The following MPPED1 variants were observed in gnomAD, a reference collection of about 807,000 sequenced individuals.
The protein encoded by MPPED1 is metallophosphoesterase domain containing 1.
In MPPED1, 16 loss-of-function variants were observed where a neutral mutation model predicts 36.2. The ratio of observed to expected loss-of-function variants is 0.44; its 90% CI spans 0.30 to 0.67. The LOEUF (loss-of-function observed/expected upper bound fraction) is 0.67, where lower values mean the gene tolerates loss of function less well. Ranked by LOEUF, MPPED1 falls within the 30% of genes least tolerant of loss-of-function variation. MPPED1 has a pLI of 0.10. For missense variants in MPPED1, 307 were observed against 453.4 expected, an observed-to-expected ratio of 0.68 and a Z score of 2.93; for synonymous variants, 199 against 191.3, an observed-to-expected ratio of 1.04 and a Z score of -0.33.
At chr22:43,462,248 C>T (rs1930980536) in intron 3 of MPPED1, among the ~76,000 whole-genome samples, 1 of 152,132 alleles carries the variant, frequency 6.6e-6, no homozygotes, top group Non-Finnish European at 1.5e-5. Flanking sequence ...TTTGAAGATG[C>T]TTCTTTTTAT....
chr22:43,479,359 C>T (rs1373046719), intron 4 of MPPED1, among the ~76,000 whole-genome samples: 4 of 152,232 alleles, frequency 2.6e-5, no homozygotes, highest in Non-Finnish European at 5.9e-5. Flanking sequence ...AATGAGTGAC[C>T]TAATAGCTGC....
intron 1 of MPPED1, among the ~76,000 whole-genome samples, chr22:43,420,311 G>A (rs1209082195): frequency 6.6e-6 from 1 of 152,180 alleles, no homozygotes; most frequent in African/African-American, 2.4e-5. Context: ...GGCCGCCCAG[G>A]CCTCAGGGAC....
At position 43,447,690 on chromosome 22, in the gene MPPED1, C is replaced by G. The variant is rs910092726; in HGVS notation, c.406+12475C>G. ...GACTGGCCTATCTCACACTTCAGTG[C>G]TCAAGTGCAGATTACATAGGTCTCG... On this transcript the variant is annotated intron_variant, in intron 3 of 6. Coordinates refer to ENST00000443721, the MANE Select transcript of MPPED1 (RefSeq NM_001044370.2). 5.3e-5 allele frequency among the ~76,000 whole-genome samples: 8 copies of G among 151,426 alleles called. No homozygotes were observed. In the South Asian group the frequency reaches 8.4e-4, roughly 16 times the overall value.
At chr22:43,434,203 G>A (rs1206007500) in intron 2 of MPPED1, among the ~76,000 whole-genome samples, 1 of 152,234 alleles carries the variant, frequency 6.6e-6, no homozygotes, top group Non-Finnish European at 1.5e-5. Flanking sequence ...AAGTAGCTTC[G>A]TTTTACAGAT....
At chr22:43,438,892 C>T (rs1278228119) in intron 3 of MPPED1, among the ~76,000 whole-genome samples, 2 of 152,148 alleles carry the variant, frequency 1.3e-5, no homozygotes, top group African/African-American at 2.4e-5. Context: ...TTGCCCACCT[C>T]GCCCACCCAC....
At chr22:43,496,662 A>T (rs1224152971) in intron 4 of MPPED1, among the ~76,000 whole-genome samples, 1 of 7,782 alleles carries the variant, frequency 1.3e-4, no homozygotes, top group Non-Finnish European at 1.9e-4. Context: ...GTGGTGGTGG[A>T]GGTAGTGGTG....
chr22:43,486,336 A>C (rs544238348), intron 4 of MPPED1, among the ~76,000 whole-genome samples: 1 of 151,108 alleles, frequency 6.6e-6, no homozygotes, highest in Admixed American at 6.6e-5. Context: ...GGCTGTGGCC[A>C]TGGCTGGCTC....
At chr22:43,492,525 G>C (rs1932135652) in intron 4 of MPPED1, among the ~76,000 whole-genome samples, 2 of 152,132 alleles carry the variant, frequency 1.3e-5, no homozygotes, top group African/African-American at 4.8e-5. Context: ...CTGCCTGTGG[G>C]TGGGGGTCCC....
chr22:43,462,575 CATT>C (rs1930992026), intron 3 of MPPED1, among the ~76,000 whole-genome samples: 1 of 152,168 alleles, frequency 6.6e-6, no homozygotes, highest in Non-Finnish European at 1.5e-5. Flanking sequence ...CATTATGTGA[CATT>C]ATTTTTTAAA....
chr22:43,499,064 G>T (rs929579807), intron 5 of MPPED1, among the ~76,000 whole-genome samples: 1 of 151,976 alleles, frequency 6.6e-6, no homozygotes, highest in Non-Finnish European at 1.5e-5. Context: ...GGAGGTAGTG[G>T]TGATGGAGGT....
chr22:43,416,353 A>C (rs1456651368), intron 1 of MPPED1: 1 of 152,266 alleles, frequency 6.6e-6, no homozygotes, highest in Non-Finnish European at 1.5e-5. Flanking sequence ...CCAATATCAG[A>C]CTTAAGTGTA....
intron 2 of MPPED1, among the ~76,000 whole-genome samples, chr22:43,428,054 G>A (rs957357449): frequency 1.3e-5 from 2 of 152,216 alleles, no homozygotes; most frequent in South Asian, 2.1e-4. Flanking sequence ...CTGGTGAGGT[G>A]CTTGGGACCC....
chr22:43,460,939 C>A (rs1601978006), intron 3 of MPPED1, among the ~76,000 whole-genome samples: 1 of 152,292 alleles, frequency 6.6e-6, no homozygotes, highest in Admixed American at 6.5e-5. Flanking sequence ...CTTGGTTGGC[C>A]TCTTGTTTGC....
At chr22:43,504,615 G>T (rs565039529) in intron 6 of MPPED1, among the ~76,000 whole-genome samples, 2 of 151,728 alleles carry the variant, frequency 1.3e-5, no homozygotes, top group Admixed American at 1.3e-4. Flanking sequence ...TGTTGGTGAC[G>T]TTGATGGCAC....
At chr22:43,452,539 G>A (rs571047032) in intron 3 of MPPED1, among the ~76,000 whole-genome samples, 4 of 152,176 alleles carry the variant, frequency 2.6e-5, no homozygotes, top group Non-Finnish European at 5.9e-5. Context: ...ATGGGGAAAT[G>A]AATAAACAGA....
At position 43,424,936 on chromosome 22, in the gene MPPED1, G is replaced by C; in HGVS notation, c.-50G>C. The C allele has an allele frequency of 6.5e-7, 1 of 1,542,534 alleles. No homozygotes were observed. The highest frequency in any genetic ancestry group is 8.7e-7 in the Non-Finnish European group (1 of 1,145,900). Reference sequence around the variant, plus strand: ...GTTTCCAGGTCTGGCGGGGGGCCGGGCTGCGGTGGCGGCAGCGGTGGGAGA... The same window carrying C: ...GTTTCCAGGTCTGGCGGGGGGCCGGCCTGCGGTGGCGGCAGCGGTGGGAGA... On this transcript the variant is annotated 5_prime_UTR_variant, in exon 2 of 7. Coordinates refer to ENST00000443721, the MANE Select transcript of MPPED1 (RefSeq NM_001044370.2).
intron 2 of MPPED1, among the ~76,000 whole-genome samples, chr22:43,432,419 G>GGA (rs1437326480): frequency 7.9e-6 from 1 of 126,442 alleles, no homozygotes; most frequent in African/African-American, 3.2e-5. Flanking sequence ...GATAAAGGGA[G>GGA]GAGAGAGAAA....
At chr22:43,471,665 C>T (rs896154517) in intron 3 of MPPED1, among the ~76,000 whole-genome samples, 1 of 152,246 alleles carries the variant, frequency 6.6e-6, no homozygotes, top group Non-Finnish European at 1.5e-5. Flanking sequence ...GCCCTCTTCC[C>T]TCCTCTCCGC....
chr22:43,432,447 GGAGAGAGATAAAGAGAGGA>G (rs1929738807), intron 2 of MPPED1, among the ~76,000 whole-genome samples: 1 of 122,764 alleles, frequency 8.1e-6, no homozygotes, highest in Non-Finnish European at 1.7e-5. Flanking sequence ...GAGAAAGGGA[GGAGAGAGATAAAGAGAGGA>G]GAGAGAGAGA....
Sources: allele counts gnomAD v4.1 joint callset (sites outside exome capture counted in the v4.1 genomes callset), GRCh38; gene constraint gnomAD v4.1.1; transcripts MANE v1.5; gene names NCBI Gene and HGNC (gene_info 2026-07-23, HGNC 2026-07-21).